MACROD2: variants seen among roughly 807,000 people sequenced by gnomAD.
The protein encoded by MACROD2 is ADP-ribose glycohydrolase MACROD2.
A neutral mutation model predicts 70.4 loss-of-function variants in MACROD2; 36 were observed. That is an observed-to-expected ratio of 0.51 (90% confidence interval 0.39 to 0.68). The LOEUF (loss-of-function observed/expected upper bound fraction) is 0.68. Among genes scored for constraint, MACROD2 ranks in the 30% least tolerant of loss-of-function variants. The probability of loss-of-function intolerance (pLI) is 0.00; values close to 1 mark genes in which losing one functional copy is unlikely to be tolerated. For synonymous variants in MACROD2, 172 were observed against 178.8 expected (o/e 0.96, Z 0.30); for missense variants, 496 against 538.4 (o/e 0.92, Z 0.78).
Position 14,626,279 on chromosome 20 carries a change from C to T in MACROD2, c.302-58564C>T, listed in dbSNP as rs35782787. Among the ~76,000 whole-genome samples, 708 of 152,236 alleles carry T rather than the reference C, an allele frequency of 4.7e-3. 6 individuals carry two copies. The highest frequency in any genetic ancestry group is 7.8e-3 in the Non-Finnish European group (529 of 68,024). The stretch of plus-strand genomic sequence containing the variant: ...CTGTCAGCCTGAGAAACCCATGGCA[C>T]GGCCTTTTGAAGGTGAGGTAGTAGT... On this transcript the variant is annotated intron_variant, in intron 4 of 17. Coordinates refer to ENST00000684519, the MANE Select transcript of MACROD2 (RefSeq NM_001351661.2).
At chr20:15,256,783 T>G (rs2146036941) in intron 6 of MACROD2, among the ~76,000 whole-genome samples, 1 of 152,202 alleles carries the variant, frequency 6.6e-6, no homozygotes, top group African/African-American at 2.4e-5. Context: ...CTTGGATTTA[T>G]TTGGAAATGA....
chr20:15,904,375 A>G (rs2065111283), intron 10 of MACROD2, among the ~76,000 whole-genome samples: 1 of 152,186 alleles, frequency 6.6e-6, no homozygotes, highest in African/African-American at 2.4e-5. Flanking sequence ...AATCTCCTAA[A>G]TATCAAAAAG....
At chr20:14,015,654 C>A (rs1175627788) in intron 2 of MACROD2, among the ~76,000 whole-genome samples, 1 of 152,192 alleles carries the variant, frequency 6.6e-6, no homozygotes, top group East Asian at 1.9e-4. Context: ...TCCTTCTCAC[C>A]TGTCCCCTCT....
intron 5 of MACROD2, among the ~76,000 whole-genome samples, chr20:15,195,591 G>A (rs2076600742): frequency 6.6e-6 from 1 of 152,186 alleles, no homozygotes; most frequent in African/African-American, 2.4e-5. Context: ...ACAGATGTTG[G>A]TAAGGTTGCA....
chr20:16,037,663 A>G (rs1280789491), intron 15 of MACROD2, among the ~76,000 whole-genome samples: 2 of 151,954 alleles, frequency 1.3e-5, no homozygotes, highest in African/African-American at 4.8e-5. Context: ...AGATTTGGTC[A>G]AAGTTATTGA....
At chr20:14,220,234 C>T (rs1269637641) in intron 3 of MACROD2, among the ~76,000 whole-genome samples, 1 of 151,996 alleles carries the variant, frequency 6.6e-6, no homozygotes, top group Non-Finnish European at 1.5e-5. Context: ...AGGTGAGATT[C>T]CCAGGTCAGG....
chr20:14,919,614 C>G (rs757710843), intron 5 of MACROD2, among the ~76,000 whole-genome samples: 8 of 152,182 alleles, frequency 5.3e-5, no homozygotes, highest in East Asian at 1.9e-4. Flanking sequence ...TAACTTGAAT[C>G]AAAATCTGCT....
chr20:15,872,611 G>C, intron 9 of MACROD2, among the ~76,000 whole-genome samples: 1 of 152,070 alleles, frequency 6.6e-6, no homozygotes, highest in East Asian at 1.9e-4. Flanking sequence ...AAGTTCACTA[G>C]ATATGTACAC....
chr20:15,505,993 G>T (rs1441470381), intron 8 of MACROD2, among the ~76,000 whole-genome samples: 1 of 152,132 alleles, frequency 6.6e-6, no homozygotes, highest in Non-Finnish European at 1.5e-5. Context: ...CTGTGGTATT[G>T]CTGTTTGTCA....
At chr20:15,555,743 T>G (rs940122126) in intron 8 of MACROD2, among the ~76,000 whole-genome samples, 6 of 145,614 alleles carry the variant, frequency 4.1e-5, no homozygotes, top group Non-Finnish European at 1.5e-5. Flanking sequence ...GCAGGAGAAT[T>G]GCTTGAACCT....
At chr20:14,256,305 C>T (rs2082055987) in intron 3 of MACROD2, among the ~76,000 whole-genome samples, 1 of 152,078 alleles carries the variant, frequency 6.6e-6, no homozygotes, top group Non-Finnish European at 1.5e-5. Context: ...AGAAATTCCT[C>T]ACGCATATTG....
intron 3 of MACROD2, among the ~76,000 whole-genome samples, chr20:14,357,243 T>A (rs1409365674): frequency 1.3e-5 from 2 of 152,218 alleles, no homozygotes; most frequent in Middle Eastern, 3.2e-3. Context: ...GATAACATAA[T>A]ATGCTTGGCT....
chr20:15,961,767 C>T (rs1296235367), intron 12 of MACROD2, among the ~76,000 whole-genome samples: 1 of 152,152 alleles, frequency 6.6e-6, no homozygotes, highest in African/African-American at 2.4e-5. Context: ...TAACAGAATT[C>T]CAAGCCCTTT....
intron 5 of MACROD2, among the ~76,000 whole-genome samples, chr20:15,124,345 T>A (rs1222113079): frequency 9.4e-6 from 1 of 105,830 alleles, no homozygotes; most frequent in Non-Finnish European, 1.9e-5. Flanking sequence ...ATATTTAATT[T>A]CCTAGTTTTT....
intron 17 of MACROD2, among the ~76,000 whole-genome samples, chr20:16,046,521 CT>C (rs796399370): frequency 1.3e-5 from 2 of 151,840 alleles, no homozygotes; most frequent in African/African-American, 2.4e-5. Flanking sequence ...CTTGTCTAGA[CT>C]TTTTTCTTAC....
chr20:14,641,417 A>G (rs1568715216), intron 4 of MACROD2, among the ~76,000 whole-genome samples: 1 of 152,220 alleles, frequency 6.6e-6, no homozygotes, highest in Non-Finnish European at 1.5e-5. Flanking sequence ...ATTTTCTTCC[A>G]TGAATCACAA....
intron 5 of MACROD2, among the ~76,000 whole-genome samples, chr20:15,229,597 C>T (rs2076942128): frequency 6.6e-6 from 1 of 152,102 alleles, no homozygotes; most frequent in African/African-American, 2.4e-5. Context: ...CAGTTTATTT[C>T]CCCAGTTTAT....
At chr20:15,928,576 T>C (rs563694345) in intron 10 of MACROD2, among the ~76,000 whole-genome samples, 3 of 152,354 alleles carry the variant, frequency 2.0e-5, no homozygotes, top group African/African-American at 7.2e-5. Context: ...TGTGGAATCT[T>C]AACACGCCTG....
At chr20:15,604,422 C>T (rs1393207948) in intron 8 of MACROD2, among the ~76,000 whole-genome samples, 8 of 152,158 alleles carry the variant, frequency 5.3e-5, no homozygotes, top group Non-Finnish European at 1.5e-5. Flanking sequence ...GGGAATGGAG[C>T]CTGAACAGCT....
Sources: gnomAD v4.1 joint callset for allele counts (sites outside exome capture counted in the v4.1 genomes callset) on GRCh38, gnomAD v4.1.1 for gene constraint, MANE v1.5 for transcripts, NCBI Gene and HGNC (gene_info 2026-07-23, HGNC 2026-07-21) for gene names.